NR3C2: variants seen among roughly 807,000 people sequenced by gnomAD.
NR3C2 encodes the protein mineralocorticoid receptor.
NR3C2 carries 15 observed loss-of-function variants against 86.4 expected under a neutral mutation model. The observed-to-expected ratio is 0.17, with a 90% CI of 0.12 to 0.27. The LOEUF is 0.27. Among genes scored for constraint, NR3C2 ranks in the 10% least tolerant of loss-of-function variants. NR3C2 has a pLI of 1.00. For synonymous variants in NR3C2, 458 were observed against 450.5 expected (o/e 1.02, Z -0.21); for missense variants, 960 against 1,195.6 (o/e 0.80, Z 2.91).
intron 2 of NR3C2, among the ~76,000 whole-genome samples, chr4:148,410,990 C>T (rs1435181959): frequency 6.6e-6 from 1 of 152,138 alleles, no homozygotes; most frequent in Admixed American, 6.5e-5. Context: ...AGTACTCCGA[C>T]CTTCAACTCA....
intron 8 of NR3C2, among the ~76,000 whole-genome samples, chr4:148,094,353 C>T (rs1183723641): frequency 6.6e-6 from 1 of 152,184 alleles, no homozygotes; most frequent in African/African-American, 2.4e-5. Flanking sequence ...TGCCATATGA[C>T]ACACCATTCC....
At chr4:148,401,461 C>CTTTTTTT (rs397881130) in intron 2 of NR3C2, among the ~76,000 whole-genome samples, 1 of 116,908 alleles carries the variant, frequency 8.6e-6, no homozygotes, top group Non-Finnish European at 1.7e-5. Context: ...AAAGTTGTCT[C>CTTTTTTT]TTTTTTTTTT....
At chr4:148,269,529 C>G (rs1000449845) in intron 2 of NR3C2, among the ~76,000 whole-genome samples, 1 of 152,140 alleles carries the variant, frequency 6.6e-6, no homozygotes, top group African/African-American at 2.4e-5. Flanking sequence ...TACAGAATCT[C>G]TAAAAAGATC....
intron 2 of NR3C2, among the ~76,000 whole-genome samples, chr4:148,343,633 G>A (rs1003188609): frequency 2.6e-5 from 4 of 151,994 alleles, no homozygotes; most frequent in African/African-American, 7.3e-5. Flanking sequence ...TATGTTTGCT[G>A]AAACTAGAAC....
At chr4:148,368,632 T>C (rs1746268227) in intron 2 of NR3C2, among the ~76,000 whole-genome samples, 1 of 152,096 alleles carries the variant, frequency 6.6e-6, no homozygotes, top group South Asian at 2.1e-4. Flanking sequence ...TACATCAATA[T>C]ATAATGGTTC....
Position 148,098,277 on chromosome 4 carries a change from T to C in NR3C2, c.2799+15827A>G, listed in dbSNP as rs191007209. Among the ~76,000 whole-genome samples, 238 of 152,372 alleles carry C rather than the reference T, an allele frequency of 1.6e-3. 2 individuals carry two copies. The highest frequency in any genetic ancestry group is 2.8e-3 in the Admixed American group (43 of 15,302). ...CTGTTTAAAGACATCTTATTTAATG[T>C]ATACTGCCAATTCCCTAACATTGAA... is the stretch of plus-strand genomic sequence containing the variant. On this transcript the variant is annotated intron_variant, in intron 8 of 8. Transcript: ENST00000358102.
chr4:148,396,444 A>C (rs1747864554), intron 2 of NR3C2, among the ~76,000 whole-genome samples: 1 of 152,186 alleles, frequency 6.6e-6, no homozygotes, highest in African/African-American at 2.4e-5. Flanking sequence ...TTTTATAACA[A>C]AGCACCTCTT....
At chr4:148,092,429 G>T (rs1003465929) in intron 8 of NR3C2, among the ~76,000 whole-genome samples, 1 of 152,076 alleles carries the variant, frequency 6.6e-6, no homozygotes, top group Admixed American at 6.5e-5. Flanking sequence ...CCCAGAAGTG[G>T]CCCCTTCATG....
chr4:148,239,997 G>A (rs2149846294), intron 3 of NR3C2, among the ~76,000 whole-genome samples: 1 of 152,148 alleles, frequency 6.6e-6, no homozygotes, highest in Admixed American at 6.6e-5. Context: ...GGTCATGTGT[G>A]TGCGTGTGTG....
chr4:148,233,815 A>G (rs1051860283), intron 3 of NR3C2, among the ~76,000 whole-genome samples: 3 of 152,142 alleles, frequency 2.0e-5, no homozygotes, highest in African/African-American at 7.2e-5. Flanking sequence ...TAGCAACATC[A>G]AAGATCACTG....
chr4:148,425,333 A>C (rs897830525), intron 2 of NR3C2, among the ~76,000 whole-genome samples: 4 of 152,224 alleles, frequency 2.6e-5, no homozygotes, highest in Non-Finnish European at 5.9e-5. Context: ...GAAGTAAAGA[A>C]AGATCATTCT....
At chr4:148,133,849 C>A (rs1386035323) in intron 6 of NR3C2, among the ~76,000 whole-genome samples, 2 of 152,184 alleles carry the variant, frequency 1.3e-5, no homozygotes, top group Non-Finnish European at 2.9e-5. Flanking sequence ...AGGTAGAAAG[C>A]AGGTGTGCTC....
intron 6 of NR3C2, among the ~76,000 whole-genome samples, chr4:148,138,165 T>C (rs559610404): frequency 4.5e-4 from 69 of 152,184 alleles, no homozygotes; most frequent in Non-Finnish European, 9.7e-4. Context: ...TAGAAGGGAA[T>C]TGAAGGCTCA....
chr4:148,420,220 A>C (rs1749214824), intron 2 of NR3C2, among the ~76,000 whole-genome samples: 1 of 152,218 alleles, frequency 6.6e-6, no homozygotes, highest in Non-Finnish European at 1.5e-5. Flanking sequence ...AATATAACTG[A>C]ATAAAAAAAG....
intron 2 of NR3C2, among the ~76,000 whole-genome samples, chr4:148,411,308 T>C (rs1230311444): frequency 3.9e-5 from 6 of 152,172 alleles, no homozygotes; most frequent in African/African-American, 9.7e-5. Flanking sequence ...GGCAATAATA[T>C]AGCATCTAAC....
intron 2 of NR3C2, among the ~76,000 whole-genome samples, chr4:148,318,688 C>A (rs1425583699): frequency 6.6e-6 from 1 of 152,066 alleles, no homozygotes; most frequent in Non-Finnish European, 1.5e-5. Context: ...TGAAAAGTGT[C>A]TGTTCATGTC....
At chr4:148,215,148 A>C (rs577835444) in intron 3 of NR3C2, among the ~76,000 whole-genome samples, 1 of 152,232 alleles carries the variant, frequency 6.6e-6, no homozygotes, top group Non-Finnish European at 1.5e-5. Context: ...AATAACACAA[A>C]GTCTGTTCGG....
intron 8 of NR3C2, 115 bp from the exon 9 acceptor site, chr4:148,081,614 G>A (rs941862002): frequency 2.8e-5 from 40 of 1,406,348 alleles, no homozygotes; most frequent in Admixed American, 3.8e-5. Flanking sequence ...CCTCCCAGGA[G>A]ACCATGTCTT....
intron 7 of NR3C2, 37 bp downstream of exon 7, chr4:148,120,121 T>C: frequency 6.2e-7 from 1 of 1,613,276 alleles, no homozygotes; most frequent in Non-Finnish European, 8.5e-7. Flanking sequence ...GATGATCTGG[T>C]AATATAGAAA....
Sources: allele counts gnomAD v4.1 joint callset (sites outside exome capture counted in the v4.1 genomes callset), GRCh38; gene constraint gnomAD v4.1.1; transcripts MANE v1.5; gene names NCBI Gene and HGNC (gene_info 2026-07-23, HGNC 2026-07-21).